The following GRB14 variants were observed in gnomAD, a reference collection of about 807,000 sequenced individuals.
GRB14 encodes growth factor receptor-bound protein 14.
In GRB14, 38 loss-of-function variants were observed where a neutral mutation model predicts 69.1. The observed-to-expected ratio is 0.55, with a 90% CI of 0.42 to 0.72. GRB14 has a LOEUF of 0.72. GRB14 is among the 30% of genes least tolerant of loss of function. The pLI, the probability that GRB14 is intolerant of heterozygous loss-of-function variation, is 0.00. For synonymous variants in GRB14, 247 were observed against 241.3 expected, an observed-to-expected ratio of 1.02 and a Z score of -0.22; for missense variants, 666 against 666.1, an observed-to-expected ratio of 1.00 and a Z score of 0.00.
chr2:164,550,838 G>T (rs957651667), intron 2 of GRB14, among the ~76,000 whole-genome samples: 1 of 152,094 alleles, frequency 6.6e-6, no homozygotes, highest in African/African-American at 2.4e-5. Context: ...TCAGTGGTAC[G>T]TGCAAAATTA....
intron 2 of GRB14, among the ~76,000 whole-genome samples, chr2:164,603,836 G>C (rs1279437740): frequency 6.6e-6 from 1 of 152,074 alleles, no homozygotes; most frequent in Non-Finnish European, 1.5e-5. Flanking sequence ...CAATTACTGA[G>C]AAAAGATAAT....
chr2:164,603,270 A>G (rs1054699204), intron 2 of GRB14, among the ~76,000 whole-genome samples: 1 of 152,244 alleles, frequency 6.6e-6, no homozygotes, highest in African/African-American at 2.4e-5. Flanking sequence ...AAGTGGTGCT[A>G]GTATGAATGG....
chr2:164,536,458 A>T (rs1399182895), intron 3 of GRB14, among the ~76,000 whole-genome samples: 1 of 152,222 alleles, frequency 6.6e-6, no homozygotes, highest in Non-Finnish European at 1.5e-5. Context: ...CATTCCATTA[A>T]AGGAAATTTT....
chr2:164,599,508 C>A (rs1056259855), intron 2 of GRB14, among the ~76,000 whole-genome samples: 2 of 152,120 alleles, frequency 1.3e-5, no homozygotes, highest in Admixed American at 1.3e-4. Context: ...AAGGAACAGT[C>A]GCTACCTTCA....
At chr2:164,597,793 A>C (rs1306734985) in intron 2 of GRB14, among the ~76,000 whole-genome samples, 5 of 152,066 alleles carry the variant, frequency 3.3e-5, no homozygotes, top group Non-Finnish European at 7.4e-5. Context: ...ACACTTTCTT[A>C]GTTTTAGAAA....
chr2:164,534,475 C>T (rs1469125981), intron 3 of GRB14, among the ~76,000 whole-genome samples: 1 of 151,876 alleles, frequency 6.6e-6, no homozygotes, highest in Non-Finnish European at 1.5e-5. Flanking sequence ...GAAAATTCAA[C>T]AGGAATATAC....
chr2:164,533,859 G>T (rs946396784), intron 3 of GRB14, among the ~76,000 whole-genome samples: 5 of 152,106 alleles, frequency 3.3e-5, no homozygotes, highest in Admixed American at 2.6e-4. Context: ...CTAGTCAGGG[G>T]TTTTGTTGAC....
chr2:164,573,869 G>A, intron 2 of GRB14: 1 of 1,613,000 alleles, frequency 6.2e-7, no homozygotes, highest in Non-Finnish European at 8.5e-7. Flanking sequence ...GATTAGAAAT[G>A]CAAGACTGGA....
intron 2 of GRB14, among the ~76,000 whole-genome samples, chr2:164,613,597 G>A (rs887544837): frequency 6.6e-6 from 1 of 152,232 alleles, no homozygotes; most frequent in Non-Finnish European, 1.5e-5. Flanking sequence ...AAAATGATGT[G>A]AATTTGCAAG....
intron 2 of GRB14, among the ~76,000 whole-genome samples, chr2:164,617,277 A>ACT (rs1327488875): frequency 2.0e-5 from 3 of 151,846 alleles, no homozygotes; most frequent in Non-Finnish European, 4.4e-5. Flanking sequence ...TCAGGCGGGG[A>ACT]CTCTCTGCTC....
chr2:164,611,466 TAATC>T (rs1464527328), intron 2 of GRB14, among the ~76,000 whole-genome samples: 5 of 152,124 alleles, frequency 3.3e-5, no homozygotes, highest in African/African-American at 1.2e-4. Flanking sequence ...TTGGCTTAAG[TAATC>T]AAATAAATGA....
intron 3 of GRB14, among the ~76,000 whole-genome samples, chr2:164,529,289 T>C (rs1361196479): frequency 2.0e-5 from 3 of 152,134 alleles, no homozygotes; most frequent in Non-Finnish European, 4.4e-5. Flanking sequence ...GTTTAATTGA[T>C]GCAGAGTTTC....
At chr2:164,557,452 G>T (rs1688709309) in intron 2 of GRB14, among the ~76,000 whole-genome samples, 1 of 152,202 alleles carries the variant, frequency 6.6e-6, no homozygotes, top group Non-Finnish European at 1.5e-5. Context: ...TAATAAAAAT[G>T]ACAGTTTTAC....
intron 6 of GRB14, among the ~76,000 whole-genome samples, chr2:164,518,041 T>C (rs1324661802): frequency 2.0e-5 from 3 of 152,134 alleles, no homozygotes; most frequent in African/African-American, 7.2e-5. Flanking sequence ...TTACAGAACA[T>C]TCTACCCAAC....
At chr2:164,555,726 T>C (rs1169175931) in intron 2 of GRB14, among the ~76,000 whole-genome samples, 1 of 150,844 alleles carries the variant, frequency 6.6e-6, no homozygotes, top group Non-Finnish European at 1.5e-5. Context: ...ATAAATTCAT[T>C]AATTTATGTA....
At chr2:164,581,283 A>G (rs1181009236) in intron 2 of GRB14, among the ~76,000 whole-genome samples, 2 of 152,166 alleles carry the variant, frequency 1.3e-5, no homozygotes, top group Admixed American at 1.3e-4. Context: ...ATGTAATCTT[A>G]CATTGTAAAA....
chr2:164,515,304 T>A (rs1188651335), intron 6 of GRB14, among the ~76,000 whole-genome samples: 2 of 151,802 alleles, frequency 1.3e-5, no homozygotes, highest in Non-Finnish European at 2.9e-5. Flanking sequence ...CCTCACAGAG[T>A]CCACTTCACT....
intron 2 of GRB14, among the ~76,000 whole-genome samples, chr2:164,609,527 T>C (rs1320948695): frequency 6.6e-6 from 1 of 152,248 alleles, no homozygotes; most frequent in Non-Finnish European, 1.5e-5. Flanking sequence ...TATCAGGTGT[T>C]TGTACGTGCA....
chr2:164,525,035 T>C lies in GRB14; in HGVS notation c.647A>G (p.Asn216Ser), dbSNP rs1169689919. Residue 216 changes from asparagine (N) to serine (S), a missense_variant, in exon 5 of 14, where the codon AAT becomes AGT. Coordinates refer to ENST00000263915, the MANE Select transcript of GRB14 (RefSeq NM_004490.3). ...EHMVSFATET[N>S]GEISPTQILQ... ...AATCTGTGTGGGGGATATTTCACCA[T>C]TGGTTTCAGTTGCAAAAGATACCAT... The C allele has an allele frequency of 1.2e-5, 19 of 1,592,950 alleles. No individual in the cohort carries two copies. Among genetic ancestry groups the C allele is most frequent in the East Asian group, 2.3e-5 (1 of 44,050 alleles).
Sources: allele counts gnomAD v4.1 joint callset (sites outside exome capture counted in the v4.1 genomes callset), GRCh38; gene constraint gnomAD v4.1.1; transcripts MANE v1.5; gene names NCBI Gene and HGNC (gene_info 2026-07-23, HGNC 2026-07-21).